Variants in MUC12 observed in about 807,000 individuals in gnomAD.
MUC12 encodes the protein mucin-12.
MUC12 carries 172 observed loss-of-function variants against 230.8 expected under a neutral mutation model. That is an observed-to-expected ratio of 0.75 (90% CI 0.66 to 0.85). The LOEUF (loss-of-function observed/expected upper bound fraction) is 0.85. Among genes scored for constraint, MUC12 ranks in the 40% least tolerant of loss-of-function variants. The pLI is 0.00. For synonymous variants in MUC12, 1,259 were observed against 2,401.9 expected (o/e 0.52, Z 13.91); for missense variants, 3,506 against 5,920.6 (o/e 0.59, Z 13.38).
In MUC12 at chr7:101,014,777, CTTAAATTAAA is replaced by C. The variant is rs10533221; in HGVS notation, c.15800+740_15800+749del. Reference sequence around the variant, plus strand: ...ACAGGTGTGAGCCACCGTGCCCGGCCTTAAATTAAATTAAATTAAATTAAATTAAATTAAA... The same window carrying C: ...ACAGGTGTGAGCCACCGTGCCCGGCCTTAAATTAAATTAAATTAAATTAAA... On this transcript the variant is annotated intron_variant, in intron 9 of 11. Transcript: ENST00000536621. 1.7e-3 allele frequency among the ~76,000 whole-genome samples: 250 copies of C among 143,622 alleles called. No homozygotes were observed. The Middle Eastern group carries it at 0.017, about 10-fold the overall frequency. 94.2% of individuals were successfully genotyped at this position (143,622 alleles called of 152,430 possible). A position where few individuals can be genotyped will look rare whatever the true frequency, so the allele number is the denominator to read the frequency against.
chr7:100,978,301 G>A (rs749296405), intron 1 of MUC12, among the ~76,000 whole-genome samples: 4 of 152,138 alleles, frequency 2.6e-5, no homozygotes, highest in Non-Finnish European at 4.4e-5. Flanking sequence ...ACTCAGCCAG[G>A]AGCCAATGAG....
chr7:101,004,760 G>T lies in MUC12; in HGVS notation c.14197G>T (p.Gly4733Cys). 1 of 1,537,190 alleles carries T rather than the reference G, an allele frequency of 6.5e-7. No homozygotes were observed. The change falls in exon 2 of 12, where the codon GGC becomes TGC. Residue 4733 changes from glycine (G) to cysteine (C), a missense_variant. Transcript: ENST00000536621. ...ATTAGCCAGCACTGCCACAACACCAGGCCTCAGTGCAAAATCTACCATCCT... is the reference window on the plus strand; with the variant it reads ...ATTAGCCAGCACTGCCACAACACCATGCCTCAGTGCAAAATCTACCATCCT... ...TTLASTATTP[G>C]LSAKSTILYS... is the part of the protein sequence containing the mutation.
intron 1 of MUC12, among the ~76,000 whole-genome samples, chr7:100,989,698 A>AT (rs11307935): frequency 8.3e-4 from 123 of 147,540 alleles, no homozygotes; most frequent in African/African-American, 1.4e-3. Flanking sequence ...ATTCAAGTTC[A>AT]TTTTTTTTTT....
intron 1 of MUC12, among the ~76,000 whole-genome samples, chr7:100,985,966 G>A (rs1170570047): frequency 6.6e-6 from 1 of 152,118 alleles, no homozygotes; most frequent in East Asian, 1.9e-4. Flanking sequence ...CACCTTGGCA[G>A]CCCCTGGAGC....
chr7:101,005,811 T>C (rs1203135172), intron 2 of MUC12, among the ~76,000 whole-genome samples: 20 of 152,092 alleles, frequency 1.3e-4, no homozygotes, highest in Admixed American at 1.3e-3. Context: ...TTTTTTTTTT[T>C]TTTTGAGACA....
In MUC12 at chr7:100,992,219, C is replaced by A; in HGVS notation, c.1656C>A (p.Ser552=). 1 of 1,537,282 alleles carries A rather than the reference C, an allele frequency of 6.5e-7. No individual in the cohort carries two copies. The highest frequency in any genetic ancestry group is 8.7e-7 in the Non-Finnish European group (1 of 1,146,544). The change falls in exon 2 of 12, where the codon TCC becomes TCA. Residue 552 remains serine (S), a synonymous_variant. Coordinates refer to ENST00000536621, the MANE Select transcript of MUC12 (RefSeq NM_001164462.2). ...GCCTCAGTCAGGAATCTACAGCTTCCCACAGCAGCCCAGGCCCCACAGACA... is the reference window on the plus strand; with the variant it reads ...GCCTCAGTCAGGAATCTACAGCTTCACACAGCAGCCCAGGCCCCACAGACA... The part of the protein sequence containing the change: ...MPGLSQESTA[S]HSSPGPTDTT...
In MUC12 at chr7:100,977,078, A is replaced by G. The variant is rs1038336566; in HGVS notation, c.67+7389A>G. Among the ~76,000 whole-genome samples, 11 of 114,470 alleles carry G rather than the reference A, an allele frequency of 9.6e-5. No individual in the cohort carries two copies. In the South Asian group the frequency reaches 1.2e-3, roughly 12 times the overall value. The allele number at this position is 114,470 out of a possible 152,430, so 75.1% of individuals were successfully genotyped here. ...AAAAAAAAAAAAAAAAAAAAAAAAA[A>G]AAAAGAAATTGCTCAATACCACCCA... On this transcript the variant is annotated intron_variant, in intron 1 of 11. Transcript: ENST00000536621.
intron 5 of MUC12, among the ~76,000 whole-genome samples, chr7:101,010,778 A>G (rs1793830958): frequency 1.3e-5 from 2 of 152,000 alleles, no homozygotes; most frequent in Middle Eastern, 3.4e-3. Flanking sequence ...GCCTCCAAAA[A>G]TGCTGGGATT....
rs530559723 is a variant in MUC12, at chr7:100,995,550, G to A, written c.4987G>A (p.Val1663Ile). 30 of 1,535,884 alleles carry A rather than the reference G, an allele frequency of 2.0e-5. No homozygotes were observed. The highest frequency in any genetic ancestry group is 1.5e-4 in the South Asian group (13 of 83,980). Residue 1663 changes from valine to isoleucine, a missense_variant, in exon 2 of 12, where the codon GTC (valine) becomes ATC (isoleucine). Val to Ile is a conservative substitution (Grantham distance 29). Coordinates refer to ENST00000536621, the MANE Select transcript of MUC12 (RefSeq NM_001164462.2). ...AGGCCTCCTTGAAGCATCTACGCCCGTCCACAGCAGCACTGGATCGCCACA... is the reference window on the plus strand; with the variant it reads ...AGGCCTCCTTGAAGCATCTACGCCCATCCACAGCAGCACTGGATCGCCACA... Reference protein sequence around the residue: ...ASGLLEASTPVHSSTGSPHTT... With the variant: ...ASGLLEASTPIHSSTGSPHTT...
chr7:101,013,373 T>C (rs1793866400), intron 8 of MUC12, among the ~76,000 whole-genome samples: 1 of 152,202 alleles, frequency 6.6e-6, no homozygotes, highest in Admixed American at 6.5e-5. Flanking sequence ...AATCCCTTCC[T>C]GAGAAAGTTC....
rs1176844989 is a variant in MUC12, at chr7:100,987,060, G to GTTTTTTT, written c.68-3553_68-3547dup. 1.4e-3 allele frequency among the ~76,000 whole-genome samples: 132 copies of GTTTTTTT among 91,334 alleles called. 5 individuals carry two copies. Among genetic ancestry groups the GTTTTTTT allele is most frequent in the African/African-American group, 5.3e-3 (120 of 22,486 alleles). The allele number at this position is 91,334 out of a possible 152,430, so 59.9% of individuals were successfully genotyped here. Reference sequence around the variant, plus strand: ...CCTCCAGTCCAGGGCCAAGATAATGGTTTTTTTTTTTTTTTTTTTTTTTTG... The same window carrying GTTTTTTT: ...CCTCCAGTCCAGGGCCAAGATAATGGTTTTTTTTTTTTTTTTTTTTTTTTTTTTTTTG... On this transcript the variant is annotated intron_variant, in intron 1 of 11. Coordinates refer to ENST00000536621, the MANE Select transcript of MUC12 (RefSeq NM_001164462.2).
At chr7:101,017,537 C>G (rs1562796394) in intron 10 of MUC12, 38 bp from the exon 11 acceptor site, 1 of 1,368,000 alleles carries the variant, frequency 7.3e-7, no homozygotes, top group East Asian at 2.5e-5. Flanking sequence ...CCTCCCCCTA[C>G]CAAGGCTCCC....
Position 101,018,600 on chromosome 7 carries a change from C to T in MUC12, c.15972C>T (p.His5324=). The T allele has an allele frequency of 8.5e-6, 13 of 1,536,050 alleles. No homozygotes were observed. Among genetic ancestry groups the T allele is most frequent in the Non-Finnish European group, 1.1e-5 (13 of 1,146,250 alleles). Residue 5324 remains histidine (H), a synonymous_variant, in exon 12 of 12, where the codon CAC becomes CAT. Transcript: ENST00000536621. ...LETVDSGTEL[H]IQRPEMVAST... ...TCTTCTCTCCCGTCCCCCAGCTCCACATCCAGAGGCCGGAGATGGTAGCAT... is the reference window on the plus strand; with the variant it reads ...TCTTCTCTCCCGTCCCCCAGCTCCATATCCAGAGGCCGGAGATGGTAGCAT...
chr7:100,972,081 T>A, intron 1 of MUC12: 1 of 703,054 alleles, frequency 1.4e-6, no homozygotes, highest in East Asian at 2.7e-5. Flanking sequence ...CCGGAAGATC[T>A]GATTAGATCC....
chr7:101,015,766 G>A, intron 10 of MUC12, 75 bp downstream of exon 10: 7 of 1,286,376 alleles, frequency 5.4e-6, no homozygotes, highest in East Asian at 2.5e-5. Flanking sequence ...TGTGCCTGTG[G>A]GGGTGACGTG....
intron 1 of MUC12, among the ~76,000 whole-genome samples, chr7:100,983,155 C>T (rs1793135237): frequency 6.6e-6 from 1 of 151,910 alleles, no homozygotes; most frequent in Admixed American, 6.6e-5. Flanking sequence ...TGCTGTGGCT[C>T]ACACCTGTAA....
chr7:100,986,417 CAAA>C (rs111411249), intron 1 of MUC12, among the ~76,000 whole-genome samples: 1 of 135,056 alleles, frequency 7.4e-6, no homozygotes. Flanking sequence ...GACCCTGTCT[CAAA>C]AAAAAAAAAG....
rs752889350 is a variant in MUC12 at position 101,004,346 on chromosome 7, A to G, written c.13783A>G (p.Thr4595Ala). ...AACACCCTCGCCTGCCCGCTCCACA[A>G]CCTCAGGCCTCGTTGAAGAATCTAC... is the stretch of plus-strand genomic sequence containing the variant. ...ATTPSPARST[T>A]SGLVEESTAY... is the part of the protein sequence containing the mutation. The change falls in exon 2 of 12, where the codon ACC (threonine) becomes GCC (alanine). Residue 4595 changes from threonine to alanine, a missense_variant. Transcript: ENST00000536621. 9.5e-6 allele frequency: 13 copies of G among 1,362,606 alleles called. No homozygotes were observed. The highest frequency in any genetic ancestry group is 1.9e-5 in the African/African-American group (1 of 53,266). 84.4% of individuals were successfully genotyped at this position (1,362,606 alleles called of 1,614,324 possible). A position where few individuals can be genotyped will look rare whatever the true frequency, so the allele number is the denominator to read the frequency against.
chr7:100,990,767 C>T lies in MUC12; in HGVS notation c.204C>T (p.Phe68=), dbSNP rs532986734. 5.9e-6 allele frequency: 9 copies of T among 1,537,866 alleles called. No homozygotes were observed. The highest frequency in any genetic ancestry group is 1.4e-5 in the African/African-American group (1 of 73,144). ...FITGSTATKH[F]LDSSTNSGHS... ...CGGGCTCAACTGCAACAAAACACTT[C>T]CTTGACAGCTCCACAAACTCAGGCC... Residue 68 remains phenylalanine, a synonymous_variant, in exon 2 of 12, where the codon TTC becomes TTT. Coordinates refer to ENST00000536621, the MANE Select transcript of MUC12 (RefSeq NM_001164462.2).
Sources: allele counts gnomAD v4.1 joint callset (sites outside exome capture counted in the v4.1 genomes callset), GRCh38; gene constraint gnomAD v4.1.1; transcripts MANE v1.5; gene names NCBI Gene and HGNC (gene_info 2026-07-23, HGNC 2026-07-21).